The following PRRG3 variants were observed in gnomAD, a reference collection of about 807,000 sequenced individuals.
The protein encoded by PRRG3 is proline rich and Gla domain 3.
A neutral mutation model predicts 15.8 loss-of-function variants in PRRG3; 21 were observed. The ratio of observed to expected loss-of-function variants is 1.33; its 90% CI spans 0.94 to 1.92. PRRG3 has a LOEUF of 1.92. Ranked by LOEUF, PRRG3 falls within the 40% of genes most tolerant of loss-of-function variation. The pLI is 0.00. For synonymous variants in PRRG3, 125 were observed against 84.1 expected, an observed-to-expected ratio of 1.49 and a Z score of -2.66; for missense variants, 251 against 200.2, an observed-to-expected ratio of 1.25 and a Z score of -1.53.
In PRRG3 at chrX:151,705,694, G is replaced by T. The variant is rs1018426050; in HGVS notation, c.*4661G>T. The T allele has an allele frequency of 1.8e-5, 3 of 167,135 alleles. No homozygotes were observed. The highest frequency in any genetic ancestry group is 9.1e-5 in the African/African-American group (3 of 32,946). The allele number at this position is 167,135 out of a possible 1,213,427, so 13.8% of individuals were successfully genotyped here. The stretch of plus-strand genomic sequence containing the variant: ...AATTACTGTGAAATGGATTAATTTT[G>T]ATACCACTTTAAACTGTGCTTGTAT... On this transcript the variant is annotated 3_prime_UTR_variant, in exon 4 of 4. Coordinates refer to ENST00000674457, the MANE Select transcript of PRRG3 (RefSeq NM_001372163.1).
intron 2 of PRRG3, among the ~76,000 whole-genome samples, chrX:151,699,613 C>A (rs2014826589): frequency 2.7e-5 from 3 of 112,961 alleles, no homozygotes; most frequent in African/African-American, 9.6e-5. Flanking sequence ...AGGGCTCCAA[C>A]TTTCACTTTT....
chrX:151,697,564 C>A (rs933102249), intron 1 of PRRG3, among the ~76,000 whole-genome samples: 2 of 111,598 alleles, frequency 1.8e-5, no homozygotes, highest in Non-Finnish European at 3.8e-5. Context: ...AGCTGTATAC[C>A]ACATCGCAGG....
chrX:151,700,854 A>G lies in PRRG3; in HGVS notation c.517A>G (p.Ser173Gly). Residue 173 changes from serine (S) to glycine (G), a missense_variant, in exon 4 of 4, where the codon AGC becomes GGC. Ser to Gly is a moderately conservative substitution (Grantham distance 56, BLOSUM62 0). Transcript: ENST00000674457. ...GGGCAGGACCACAGTCCGGCTAGAG[A>G]GCACCCTCTACCTCCCTGAGCTCTC... ...RGGRTTVRLE[S>G]TLYLPELSLS... 8.3e-7 allele frequency: 1 copy of G among 1,204,219 alleles called. No individual in the cohort carries two copies. Among genetic ancestry groups the G allele is most frequent in the Non-Finnish European group, 1.1e-6 (1 of 891,508 alleles).
chrX:151,700,434 C>A, intron 3 of PRRG3, 72 bp from the exon 4 acceptor site: 1 of 1,122,982 alleles, frequency 8.9e-7, no homozygotes, highest in Non-Finnish European at 1.2e-6. Flanking sequence ...GTAGGAAGCA[C>A]CAGAGTTACT....
intron 1 of PRRG3, 85 bp from the exon 2 acceptor site, chrX:151,698,699 A>AG: frequency 1.4e-6 from 1 of 722,554 alleles, no homozygotes; most frequent in Non-Finnish European, 2.1e-6. Context: ...CGCCAGTGGG[A>AG]GGGGGGCACA....
intron 1 of PRRG3, among the ~76,000 whole-genome samples, chrX:151,696,563 T>A (rs2014763632): frequency 9.0e-6 from 1 of 111,557 alleles, no homozygotes; most frequent in African/African-American, 3.3e-5. Flanking sequence ...ATATGTAATC[T>A]ATTATGTAAA....
intron 2 of PRRG3, 102 bp from the exon 3 acceptor site, chrX:151,699,894 T>G (rs2014832091): frequency 1.1e-6 from 1 of 894,839 alleles, no homozygotes; most frequent in East Asian, 3.3e-5. Context: ...CACTCGGCCT[T>G]GTTTCCCTGC....
chrX:151,698,996 G>A (rs1270405598), intron 2 of PRRG3, among the ~76,000 whole-genome samples, 175 bp downstream of exon 2: 1 of 112,571 alleles, frequency 8.9e-6, no homozygotes, highest in Non-Finnish European at 1.9e-5. Context: ...CCCTTCTGAA[G>A]TATATGTCAC....
At position 151,700,934 on chromosome X, in the gene PRRG3, G is replaced by A. The variant is rs779479095; in HGVS notation, c.597G>A (p.Ala199=). ...CCCCCTCCTACGAGGAGGTGACTGC[G>A]CCCCAAGAGAGCAGCAGTGAGGAGG... ...TPPPSYEEVT[A]PQESSSEEAS... The change falls in exon 4 of 4, where the codon GCG becomes GCA. Residue 199 remains alanine, a synonymous_variant. Transcript: ENST00000674457. 7.4e-6 allele frequency: 9 copies of A among 1,208,127 alleles called. No individual in the cohort carries two copies. In the East Asian group the frequency reaches 8.9e-5, roughly 12 times the overall value.
At position 151,705,178 on chromosome X, in the gene PRRG3, C is replaced by T. The variant is rs2014955543; in HGVS notation, c.*4145C>T. 2.3e-5 allele frequency: 7 copies of T among 305,583 alleles called. No individual in the cohort carries two copies. Among genetic ancestry groups the T allele is most frequent in the East Asian group, 1.0e-4 (1 of 10,039 alleles). 25.2% of individuals were successfully genotyped at this position (305,583 alleles called of 1,213,427 possible). A position where few individuals can be genotyped will look rare whatever the true frequency, so the allele number is the denominator to read the frequency against. On this transcript the variant is annotated 3_prime_UTR_variant, in exon 4 of 4. Transcript: ENST00000674457. Reference sequence around the variant, plus strand: ...GATATTGCAGCCTTTCACTCTACTCCGTTATTTATCCTGTGAATAACATAG... The same window carrying T: ...GATATTGCAGCCTTTCACTCTACTCTGTTATTTATCCTGTGAATAACATAG...
chrX:151,698,906 C>T (rs2014812906), intron 2 of PRRG3, 85 bp downstream of exon 2: 1 of 924,955 alleles, frequency 1.1e-6, no homozygotes, highest in South Asian at 2.3e-5. Context: ...CCCAGCTTCC[C>T]TGCCCCCTAC....
rs1480344251 is a variant in PRRG3 at position 151,700,837 on chromosome X, C to T, written c.500C>T (p.Thr167Ile). The T allele has an allele frequency of 1.1e-5, 13 of 1,197,954 alleles. No individual in the cohort carries two copies. The highest frequency in any genetic ancestry group is 1.8e-5 in the South Asian group (1 of 55,439). The change falls in exon 4 of 4, where the codon ACC becomes ATC. Residue 167 changes from threonine to isoleucine, a missense_variant. Coordinates refer to ENST00000674457, the MANE Select transcript of PRRG3 (RefSeq NM_001372163.1). ...CTGGGGCCCAGTCGGGGGGGCAGGACCACAGTCCGGCTAGAGAGCACCCTC... is the reference window on the plus strand; with the variant it reads ...CTGGGGCCCAGTCGGGGGGGCAGGATCACAGTCCGGCTAGAGAGCACCCTC... ...VVLGPSRGGR[T>I]TVRLESTLYL...
In PRRG3 at chrX:151,705,515, G is replaced by A. The variant is rs189611534; in HGVS notation, c.*4482G>A. On this transcript the variant is annotated 3_prime_UTR_variant, in exon 4 of 4. Transcript: ENST00000674457. The stretch of plus-strand genomic sequence containing the variant: ...CCCGAGCATTAACACAGATCTTCAG[G>A]ATTGGGACAAATCCCCCAGCTGCTT... The A allele has an allele frequency of 2.2e-5, 6 of 278,171 alleles. No individual in the cohort carries two copies. Among genetic ancestry groups the A allele is most frequent in the African/African-American group, 1.7e-4 (6 of 35,532 alleles). 22.9% of individuals were successfully genotyped at this position (278,171 alleles called of 1,213,427 possible).
rs2014804881 is a variant in PRRG3, at chrX:151,698,501, C to T, written c.-31-283C>T. The stretch of plus-strand genomic sequence containing the variant: ...TTCCTTTTTAAAAGAAAAAGGTCAA[C>T]CCTTGGTTCTTATAGATGCTCAGAA... On this transcript the variant is annotated intron_variant, in intron 1 of 3. Coordinates refer to ENST00000674457, the MANE Select transcript of PRRG3 (RefSeq NM_001372163.1). 3 of 232,370 alleles carry T rather than the reference C, an allele frequency of 1.3e-5. No homozygotes were observed. The Admixed American group carries it at 2.1e-4, about 16-fold the overall frequency. The allele number at this position is 232,370 out of a possible 1,213,427, so 19.1% of individuals were successfully genotyped here. A position where few individuals can be genotyped will look rare whatever the true frequency, so the allele number is the denominator to read the frequency against.
chrX:151,703,712 T>C lies in PRRG3; in HGVS notation c.*2679T>C, dbSNP rs1281512886. 9.0e-6 allele frequency: 1 copy of C among 110,877 alleles called. No individual in the cohort carries two copies. Among genetic ancestry groups the C allele is most frequent in the Non-Finnish European group, 1.9e-5 (1 of 52,948 alleles). The allele number at this position is 110,877 out of a possible 1,213,427, so 9.1% of individuals were successfully genotyped here. On this transcript the variant is annotated 3_prime_UTR_variant, in exon 4 of 4. Coordinates refer to ENST00000674457, the MANE Select transcript of PRRG3 (RefSeq NM_001372163.1). ...CTGTTTGCCTCCTTGAAAAAGGCTT[T>C]GGAAGAAGACAAAGCAGCTCCATTC...
chrX:151,705,495 G>A lies in PRRG3; in HGVS notation c.*4462G>A. 3.4e-6 allele frequency: 1 copy of A among 297,494 alleles called. No homozygotes were observed. Among genetic ancestry groups the A allele is most frequent in the Non-Finnish European group, 6.8e-6 (1 of 147,330 alleles). The allele number at this position is 297,494 out of a possible 1,213,427, so 24.5% of individuals were successfully genotyped here. On this transcript the variant is annotated 3_prime_UTR_variant, in exon 4 of 4. Coordinates refer to ENST00000674457, the MANE Select transcript of PRRG3 (RefSeq NM_001372163.1). Reference sequence around the variant, plus strand: ...TGCCCTTCACCCACCCCCAGCCCGAGCATTAACACAGATCTTCAGGATTGG... The same window carrying A: ...TGCCCTTCACCCACCCCCAGCCCGAACATTAACACAGATCTTCAGGATTGG...
Position 151,698,875 on chromosome X carries a change from T to C in PRRG3, c.7+54T>C, listed in dbSNP as rs2014812561. ...GTGGAGGGCCATGCCTAGGGGTTCATGAGTCAGGTTTCAAGTCCTTCCCAG... is the reference window on the plus strand; with the variant it reads ...GTGGAGGGCCATGCCTAGGGGTTCACGAGTCAGGTTTCAAGTCCTTCCCAG... On this transcript the variant is annotated intron_variant, in intron 2 of 3. Coordinates refer to ENST00000674457, the MANE Select transcript of PRRG3 (RefSeq NM_001372163.1). The C allele has an allele frequency of 4.5e-6, 5 of 1,122,641 alleles. No individual in the cohort carries two copies. The South Asian group carries it at 1.0e-4, about 22-fold the overall frequency. 92.5% of individuals were successfully genotyped at this position (1,122,641 alleles called of 1,213,427 possible).
chrX:151,700,663 C>T lies in PRRG3; in HGVS notation c.326C>T (p.Thr109Ile), dbSNP rs2014855423. 2 of 1,211,353 alleles carry T rather than the reference C, an allele frequency of 1.7e-6. No homozygotes were observed. The highest frequency in any genetic ancestry group is 3.0e-5 in the East Asian group (1 of 33,834). The change falls in exon 4 of 4, where the codon ACC (threonine) becomes ATC (isoleucine). Residue 109 changes from threonine to isoleucine, a missense_variant. By Grantham distance (89) the Thr-to-Ile change is moderately conservative. Coordinates refer to ENST00000674457, the MANE Select transcript of PRRG3 (RefSeq NM_001372163.1). ...IIWRCQLQKA[T>I]RHHPSYAQNR... ...TGGAGGTGCCAGCTGCAGAAAGCGA[C>T]CCGTCACCACCCCTCCTATGCTCAG...
In PRRG3 at chrX:151,705,007, G is replaced by C. The variant is rs1436515567; in HGVS notation, c.*3974G>C. On this transcript the variant is annotated 3_prime_UTR_variant, in exon 4 of 4. Coordinates refer to ENST00000674457, the MANE Select transcript of PRRG3 (RefSeq NM_001372163.1). ...TCAATGTTCAGGGTCTTTTGTGTAA[G>C]AGAAATCCAGTTTAAAATGAGTACC... 6.6e-6 allele frequency: 1 copy of C among 152,310 alleles called. No individual in the cohort carries two copies. Among genetic ancestry groups the C allele is most frequent in the Non-Finnish European group, 1.3e-5 (1 of 79,623 alleles). The allele number at this position is 152,310 out of a possible 1,213,427, so 12.6% of individuals were successfully genotyped here.
Sources: gnomAD v4.1 joint callset for allele counts (sites outside exome capture counted in the v4.1 genomes callset) on GRCh38, gnomAD v4.1.1 for gene constraint, MANE v1.5 for transcripts, NCBI Gene and HGNC (gene_info 2026-07-23, HGNC 2026-07-21) for gene names.